Variants in LCP1 observed in about 807,000 individuals in gnomAD.
LCP1 encodes lymphocyte cytosolic protein 1, also known as plastin-2.
In LCP1, 23 loss-of-function variants were observed where a neutral mutation model predicts 72.0. The ratio of observed to expected loss-of-function variants is 0.32; its 90% CI spans 0.23 to 0.45. LCP1 has a LOEUF of 0.45. Ranked by LOEUF, LCP1 falls within the 20% of genes least tolerant of loss-of-function variation. LCP1 has a pLI of 1.00. For missense variants in LCP1, 571 were observed against 748.3 expected, an observed-to-expected ratio of 0.76 and a Z score of 2.76; for synonymous variants, 245 against 275.4, an observed-to-expected ratio of 0.89 and a Z score of 1.09.
intron 1 of LCP1, among the ~76,000 whole-genome samples, chr13:46,180,896 A>G (rs2045952808): frequency 6.6e-6 from 1 of 152,098 alleles, no homozygotes. Context: ...TCAGTTTCAC[A>G]TTTTTGCTTG....
At chr13:46,169,906 G>A (rs1163310662) in intron 1 of LCP1, among the ~76,000 whole-genome samples, 1 of 152,128 alleles carries the variant, frequency 6.6e-6, no homozygotes, top group Admixed American at 6.5e-5. Flanking sequence ...CAGACTTATC[G>A]CAACAATCAT....
intron 13 of LCP1, among the ~76,000 whole-genome samples, chr13:46,138,548 G>C (rs955127631): frequency 3.9e-5 from 6 of 152,136 alleles, no homozygotes; most frequent in Non-Finnish European, 8.8e-5. Context: ...CATTAAATAG[G>C]GCTTTGAGCC....
intron 13 of LCP1, among the ~76,000 whole-genome samples, chr13:46,137,941 A>G (rs1308697807): frequency 2.0e-5 from 3 of 152,218 alleles, no homozygotes; most frequent in African/African-American, 7.2e-5. Flanking sequence ...ATTATTTGGC[A>G]TAGAGGAACA....
At chr13:46,162,298 CAA>C (rs1359617615) in intron 1 of LCP1, among the ~76,000 whole-genome samples, 5 of 137,828 alleles carry the variant, frequency 3.6e-5, no homozygotes, top group African/African-American at 1.4e-4. Flanking sequence ...CCGTCTCCCT[CAA>C]CCCACGGTCT....
rs1401966319 is a variant in LCP1, at chr13:46,156,636, T to C, written c.359-66A>G. ...ACTCTATTATAAACAAAATTATGCA[T>C]GTGGATCTTAAATTCTCATTCCCAG... On this transcript the variant is annotated intron_variant, in intron 4 of 15. Transcript: ENST00000323076. 6.5e-6 allele frequency: 10 copies of C among 1,546,196 alleles called. No individual in the cohort carries two copies. In the Admixed American group the frequency reaches 1.5e-4, roughly 23 times the overall value.
intron 7 of LCP1, among the ~76,000 whole-genome samples, chr13:46,151,667 C>G (rs957311233): frequency 1.8e-4 from 27 of 152,132 alleles, no homozygotes; most frequent in Admixed American, 3.9e-4. Flanking sequence ...TCTAAGATCC[C>G]TATTTCCTCT....
chr13:46,173,979 C>T (rs930405112), intron 1 of LCP1, among the ~76,000 whole-genome samples: 1 of 152,232 alleles, frequency 6.6e-6, no homozygotes, highest in Non-Finnish European at 1.5e-5. Flanking sequence ...AACATCTCCT[C>T]TCTGTCAGAT....
intron 4 of LCP1, among the ~76,000 whole-genome samples, chr13:46,157,036 G>A (rs958160633): frequency 3.3e-5 from 5 of 151,652 alleles, no homozygotes; most frequent in Non-Finnish European, 7.4e-5. Context: ...TAGCCAGGAT[G>A]GTCTCGATTT....
At chr13:46,179,613 G>A (rs1024372188) in intron 1 of LCP1, among the ~76,000 whole-genome samples, 6 of 152,280 alleles carry the variant, frequency 3.9e-5, no homozygotes, top group East Asian at 1.9e-4. Context: ...CTTGAAGTCC[G>A]CCTTGAAAAA....
intron 10 of LCP1, 130 bp downstream of exon 10, chr13:46,146,778 C>A (rs2045733126): frequency 2.3e-6 from 2 of 878,700 alleles, no homozygotes; most frequent in South Asian, 1.4e-5. Flanking sequence ...CTCTTTGTTG[C>A]ATACCAGAGA....
chr13:46,171,981 G>T (rs1002704453), intron 1 of LCP1, among the ~76,000 whole-genome samples: 1 of 152,260 alleles, frequency 6.6e-6, no homozygotes, highest in Non-Finnish European at 1.5e-5. Context: ...AGGGCTGACT[G>T]CAGGACTTGA....
chr13:46,135,858 T>C (rs979778139), intron 13 of LCP1, among the ~76,000 whole-genome samples: 5 of 151,480 alleles, frequency 3.3e-5, no homozygotes, highest in Admixed American at 6.6e-5. Context: ...CCCGAACTCC[T>C]GGGCTCAAGC....
At chr13:46,164,311 A>G (rs2045864565) in intron 1 of LCP1, among the ~76,000 whole-genome samples, 1 of 152,254 alleles carries the variant, frequency 6.6e-6, no homozygotes, top group Non-Finnish European at 1.5e-5. Context: ...AAATCTAAAA[A>G]ATATCTAAAG....
chr13:46,180,203 T>C (rs1055376304), intron 1 of LCP1, among the ~76,000 whole-genome samples: 3 of 152,182 alleles, frequency 2.0e-5, no homozygotes, highest in African/African-American at 7.2e-5. Flanking sequence ...TATGGCCGGT[T>C]CCTTCAATTA....
chr13:46,142,584 A>G, intron 12 of LCP1, 159 bp from the exon 13 acceptor site: 1 of 765,176 alleles, frequency 1.3e-6, no homozygotes, highest in South Asian at 1.9e-5. Context: ...TTCAAAATTA[A>G]AGAATTTTCC....
chr13:46,144,053 G>A (rs910082506), intron 11 of LCP1, among the ~76,000 whole-genome samples: 8 of 151,636 alleles, frequency 5.3e-5, no homozygotes, highest in Non-Finnish European at 1.0e-4. Flanking sequence ...GCGACAGAGC[G>A]AGACTCCATC....
rs1593963853 is a variant in LCP1, at chr13:46,170,186, C to A, written c.-24-10500G>T. 2.0e-5 allele frequency among the ~76,000 whole-genome samples: 3 copies of A among 152,332 alleles called. No homozygotes were observed. In the South Asian group the frequency reaches 6.2e-4, roughly 32 times the overall value. On this transcript the variant is annotated intron_variant, in intron 1 of 15. Transcript: ENST00000323076. ...TCTTGTGTACATACTTAGACAATCCCATCCACTGAAAGGTACAGACACCCA... is the reference window on the plus strand; with the variant it reads ...TCTTGTGTACATACTTAGACAATCCAATCCACTGAAAGGTACAGACACCCA...
intron 13 of LCP1, among the ~76,000 whole-genome samples, chr13:46,139,229 C>T (rs2045683356): frequency 6.6e-6 from 1 of 152,134 alleles, no homozygotes; most frequent in South Asian, 2.1e-4. Flanking sequence ...TTCTTTAGTT[C>T]TGGAGTTTTC....
chr13:46,175,699 T>G (rs990561809), intron 1 of LCP1, among the ~76,000 whole-genome samples: 34 of 152,214 alleles, frequency 2.2e-4, no homozygotes, highest in Admixed American at 2.2e-3. Context: ...CCAACATGAA[T>G]GACAGCAAGA....
Sources: allele counts gnomAD v4.1 joint callset (sites outside exome capture counted in the v4.1 genomes callset), GRCh38; gene constraint gnomAD v4.1.1; transcripts MANE v1.5; gene names NCBI Gene and HGNC (gene_info 2026-07-23, HGNC 2026-07-21).